Variants in AKIRIN1 observed in about 807,000 individuals in gnomAD.
The protein encoded by AKIRIN1 is akirin-1.
A neutral mutation model predicts 25.9 loss-of-function variants in AKIRIN1; 4 were observed. The ratio of observed to expected loss-of-function variants is 0.15; its 90% CI spans 0.08 to 0.35. The LOEUF (loss-of-function observed/expected upper bound fraction) is 0.35. Ranked by LOEUF, AKIRIN1 falls within the 10% of genes least tolerant of loss-of-function variation. AKIRIN1 has a pLI of 1.00. For missense variants in AKIRIN1, 243 were observed against 266.1 expected, an observed-to-expected ratio of 0.91 and a Z score of 0.61; for synonymous variants, 125 against 105.1, an observed-to-expected ratio of 1.19 and a Z score of -1.16.
chr1:38,996,806 G>A (rs1038112134), intron 1 of AKIRIN1, among the ~76,000 whole-genome samples: 6 of 152,188 alleles, frequency 3.9e-5, no homozygotes, highest in African/African-American at 1.4e-4. Flanking sequence ...TGGGATTACA[G>A]GCATAAGCCA....
Position 39,001,026 on chromosome 1 carries a change from T to C in AKIRIN1, c.416T>C (p.Ile139Thr), listed in dbSNP as rs773785412. 1 of 1,613,910 alleles carries C rather than the reference T, an allele frequency of 6.2e-7. No homozygotes were observed. Among genetic ancestry groups the C allele is most frequent in the South Asian group, 1.1e-5 (1 of 91,074 alleles). Residue 139 changes from isoleucine (I) to threonine (T), a missense_variant, in exon 3 of 5, where the codon ATA (isoleucine) becomes ACA (threonine). Physicochemically the swap from Ile to Thr is moderately conservative, Grantham distance 89 (BLOSUM62 -1). Around this residue, in one of 3 missense-constraint regions of AKIRIN1, gnomAD observed 190 missense variants for 174.4 expected, o/e 1.09. Transcript: ENST00000432648. ...ACATTTACCCTCCGACAAGTTGGCA[T>C]AATATGTGAGCGCCTCTTAAAAGAC... ...QPTFTLRQVG[I>T]ICERLLKDYE...
chr1:38,992,363 G>A (rs892859173), intron 1 of AKIRIN1, among the ~76,000 whole-genome samples: 1 of 152,158 alleles, frequency 6.6e-6, no homozygotes, highest in African/African-American at 2.4e-5. Context: ...CATAGCGCAG[G>A]AGTAGAGGGG....
chr1:38,993,813 A>G (rs1270587198), intron 1 of AKIRIN1, among the ~76,000 whole-genome samples: 4 of 151,678 alleles, frequency 2.6e-5, no homozygotes, highest in African/African-American at 9.7e-5. Context: ...GCTCACTCCT[A>G]TAATCCCAGC....
rs574052748 is a variant in AKIRIN1, at chr1:38,994,595, T to TC, written c.220+2998dup. ...ATCTTGGCTCACTGCAACCGCCGTC[T>TC]CCCATGTTCAAGCGATTCTCCTGCC... On this transcript the variant is annotated intron_variant, in intron 1 of 4. Transcript: ENST00000432648. Among the ~76,000 whole-genome samples the TC allele has an allele frequency of 1.3e-3, 202 of 150,416 alleles. 1 individual carries two copies. The highest frequency in any genetic ancestry group is 3.5e-3 in the Middle Eastern group (1 of 284).
intron 2 of AKIRIN1, among the ~76,000 whole-genome samples, chr1:38,998,740 C>G (rs1302825380): frequency 2.0e-5 from 3 of 151,888 alleles, no homozygotes; most frequent in Non-Finnish European, 4.4e-5. Flanking sequence ...CTCATCTCTA[C>G]TAAAAATACA....
intron 1 of AKIRIN1, among the ~76,000 whole-genome samples, chr1:38,994,146 C>G (rs1263418714): frequency 2.0e-5 from 3 of 151,600 alleles, no homozygotes; most frequent in Admixed American, 6.6e-5. Flanking sequence ...TGAACTGATC[C>G]AAAAATTGAG....
intron 2 of AKIRIN1, 73 bp downstream of exon 2, chr1:38,998,384 T>C: frequency 2.7e-6 from 4 of 1,464,532 alleles, no homozygotes; most frequent in Non-Finnish European, 3.7e-6. Context: ...AATCTAGAAT[T>C]GGCCTCCTCT....
intron 3 of AKIRIN1, 51 bp downstream of exon 3, chr1:39,001,157 T>TTTTC: frequency 6.5e-7 from 1 of 1,544,510 alleles, no homozygotes; most frequent in Non-Finnish European, 8.7e-7. Context: ...CAGTTAAAAA[T>TTTTC]TAACACCAGT....
At chr1:39,002,394 C>T (rs187242120) in intron 3 of AKIRIN1, among the ~76,000 whole-genome samples, 9 of 152,176 alleles carry the variant, frequency 5.9e-5, no homozygotes, top group Admixed American at 5.9e-4. Context: ...TAAATGAGTT[C>T]CTTTATAGTA....
chr1:38,998,265 G>C lies in AKIRIN1; in HGVS notation c.315G>C (p.Ser105=). ...TTAATCAGAGTGAAGCTTGTGCTTC[G>C]GAAAGTCAACCTCACTCCTCAGCAC... The part of the protein sequence containing the change: ...VVLNQSEACA[S]ESQPHSSALT... Residue 105 remains serine, a synonymous_variant, in exon 2 of 5, where the codon TCG becomes TCC. Transcript: ENST00000432648. 4 of 1,613,756 alleles carry C rather than the reference G, an allele frequency of 2.5e-6. No homozygotes were observed. The highest frequency in any genetic ancestry group is 1.7e-6 in the Non-Finnish European group (2 of 1,179,816).
chr1:39,000,876 A>G lies in AKIRIN1; in HGVS notation c.362-96A>G, dbSNP rs1570975799. On this transcript the variant is annotated intron_variant, in intron 2 of 4. Coordinates refer to ENST00000432648, the MANE Select transcript of AKIRIN1 (RefSeq NM_024595.3). ...TCTCCACGTTGTCAGGCTGGTCTCC[A>G]CCTCAGATGATCCGCCTGCCTTGGC... is the stretch of plus-strand genomic sequence containing the variant. The G allele has an allele frequency of 2.9e-6, 4 of 1,363,962 alleles. No individual in the cohort carries two copies. The East Asian group carries it at 7.2e-5, about 25-fold the overall frequency. The allele number at this position is 1,363,962 out of a possible 1,614,324, so 84.5% of individuals were successfully genotyped here. A position where few individuals can be genotyped will look rare whatever the true frequency, so the allele number is the denominator to read the frequency against.
chr1:38,998,082 A>C, intron 1 of AKIRIN1, 89 bp from the exon 2 acceptor site: 4 of 1,394,984 alleles, frequency 2.9e-6, no homozygotes, highest in Non-Finnish European at 3.9e-6. Context: ...AAGTCTAGTC[A>C]GAAGATCTTT....
chr1:39,002,463 G>A (rs190916393), intron 3 of AKIRIN1, among the ~76,000 whole-genome samples: 1 of 152,302 alleles, frequency 6.6e-6, no homozygotes, highest in African/African-American at 2.4e-5. Flanking sequence ...GGGCGCAGTG[G>A]CTCACGCCTG....
chr1:38,991,590 T>A lies in AKIRIN1; in HGVS notation c.210T>A (p.Leu70=). ...CCCCGCCCGGCAGCGAGCGGCGCCT[T>A]CCAACTCCGGGTAACCTGCCCTGCT... ...QPAPPGSERR[L]PTPEQIFQNI... is the part of the protein sequence containing the mutation. Residue 70 remains leucine, a synonymous_variant, in exon 1 of 5, where the codon CTT becomes CTA. Transcript: ENST00000432648. 9.2e-7 allele frequency: 1 copy of A among 1,082,624 alleles called. No individual in the cohort carries two copies. The highest frequency in any genetic ancestry group is 1.1e-6 in the Non-Finnish European group (1 of 892,518). 67.1% of individuals were successfully genotyped at this position (1,082,624 alleles called of 1,614,324 possible).
intron 1 of AKIRIN1, among the ~76,000 whole-genome samples, chr1:38,996,878 T>G (rs547240552): frequency 1.3e-5 from 2 of 152,338 alleles, no homozygotes; most frequent in Admixed American, 1.3e-4. Flanking sequence ...GTATTTAGGC[T>G]GAAAGTTAGG....
chr1:39,002,155 G>C (rs912641568), intron 3 of AKIRIN1, among the ~76,000 whole-genome samples: 1 of 152,216 alleles, frequency 6.6e-6, no homozygotes, highest in Non-Finnish European at 1.5e-5. Flanking sequence ...GTCCTCAGCT[G>C]TACCCTATGG....
chr1:38,992,148 G>A (rs1159064644), intron 1 of AKIRIN1, among the ~76,000 whole-genome samples: 1 of 152,210 alleles, frequency 6.6e-6, no homozygotes, highest in Non-Finnish European at 1.5e-5. Context: ...ATTTCTAAGG[G>A]ACTGGCCACG....
intron 3 of AKIRIN1, among the ~76,000 whole-genome samples, chr1:39,002,740 A>T (rs915456888): frequency 2.6e-5 from 4 of 151,328 alleles, no homozygotes; most frequent in African/African-American, 9.7e-5. Flanking sequence ...AAAAAAAAAA[A>T]GAAGAAGCTC....
intron 1 of AKIRIN1, among the ~76,000 whole-genome samples, chr1:38,992,316 T>C (rs937593496): frequency 6.6e-5 from 10 of 152,170 alleles, no homozygotes; most frequent in Admixed American, 6.5e-4. Flanking sequence ...CGTTCCACTT[T>C]GTCCAAGGAA....
Sources: gnomAD v4.1 joint callset for allele counts (sites outside exome capture counted in the v4.1 genomes callset) on GRCh38, gnomAD v4.1.1 for gene constraint, gnomAD v4.1.1 regional missense constraint, MANE v1.5 for transcripts, NCBI Gene and HGNC (gene_info 2026-07-23, HGNC 2026-07-21) for gene names.